MAGED1: variants seen among roughly 807,000 people sequenced by gnomAD.
MAGED1 encodes the protein melanoma-associated antigen D1.
Under a neutral mutation model 54.1 loss-of-function variants are expected in MAGED1, and 3 were observed. The observed-to-expected ratio is 0.06, with a 90% confidence interval of 0.03 to 0.14. The LOEUF is 0.14. MAGED1 is among the 10% of genes least tolerant of loss of function. MAGED1 has a pLI of 1.00. For missense variants in MAGED1, 485 were observed against 623.4 expected, an observed-to-expected ratio of 0.78 and a Z score of 2.36; for synonymous variants, 217 against 227.3, an observed-to-expected ratio of 0.95 and a Z score of 0.41.
At chrX:51,872,899 A>AT (rs2146996459) in intron 1 of MAGED1, among the ~76,000 whole-genome samples, 1 of 111,467 alleles carries the variant, frequency 9.0e-6, no homozygotes, top group South Asian at 3.8e-4. Flanking sequence ...TTTAGCAAAT[A>AT]ATTAAGAATG....
At chrX:51,873,712 A>T (rs1044626057) in intron 1 of MAGED1, among the ~76,000 whole-genome samples, 1 of 111,084 alleles carries the variant, frequency 9.0e-6, no homozygotes, top group Non-Finnish European at 1.9e-5. Flanking sequence ...AATTTTATCA[A>T]TGTCTCAGTC....
intron 1 of MAGED1, chrX:51,857,086 C>T (rs186181882): frequency 9.0e-6 from 1 of 111,070 alleles, no homozygotes; most frequent in African/African-American, 3.3e-5. Flanking sequence ...AAAGAGAAAC[C>T]CTATGAATGC....
intron 1 of MAGED1, among the ~76,000 whole-genome samples, chrX:51,870,037 G>C (rs1557361394): frequency 9.0e-6 from 1 of 110,864 alleles, no homozygotes; most frequent in Non-Finnish European, 1.9e-5. Flanking sequence ...TGCTGGGCTA[G>C]GATCTCCATT....
intron 1 of MAGED1, among the ~76,000 whole-genome samples, chrX:51,814,400 G>A (rs1314830090): frequency 9.0e-6 from 1 of 111,574 alleles, no homozygotes; most frequent in Non-Finnish European, 1.9e-5. Flanking sequence ...CACCCCTGTA[G>A]CATGGAGAAA....
intron 1 of MAGED1, among the ~76,000 whole-genome samples, chrX:51,838,169 A>G (rs1926321631): frequency 8.9e-6 from 1 of 112,501 alleles, no homozygotes; most frequent in Non-Finnish European, 1.9e-5. Context: ...TCAGTGCTGT[A>G]ATACCCTGGC....
At chrX:51,812,177 AAAAT>A (rs782201300) in intron 1 of MAGED1, among the ~76,000 whole-genome samples, 33 of 109,638 alleles carry the variant, frequency 3.0e-4, no homozygotes, top group Middle Eastern at 4.8e-3. Flanking sequence ...TATAATAATA[AAAAT>A]AAATAAATAA....
intron 1 of MAGED1, among the ~76,000 whole-genome samples, chrX:51,841,910 G>T (rs1358140694): frequency 1.8e-5 from 2 of 111,668 alleles, no homozygotes; most frequent in Non-Finnish European, 3.8e-5. Flanking sequence ...GATTGAATTG[G>T]CAATGCGGGC....
intron 1 of MAGED1, among the ~76,000 whole-genome samples, chrX:51,863,538 G>T (rs1203742888): frequency 9.0e-6 from 1 of 111,190 alleles, no homozygotes; most frequent in African/African-American, 3.3e-5. Context: ...TCTTAATTTT[G>T]GGGGGGAACC....
intron 1 of MAGED1, among the ~76,000 whole-genome samples, chrX:51,873,135 C>G (rs1602253120): frequency 9.0e-6 from 1 of 111,102 alleles, no homozygotes; most frequent in Non-Finnish European, 1.9e-5. Context: ...AGGAAACTTA[C>G]AATCTTGGTG....
intron 1 of MAGED1, among the ~76,000 whole-genome samples, chrX:51,846,334 A>G (rs1037346933): frequency 9.0e-6 from 1 of 111,542 alleles, no homozygotes; most frequent in Non-Finnish European, 1.9e-5. Context: ...TTGGAAGCAG[A>G]GATCAGAGAG....
intron 1 of MAGED1, among the ~76,000 whole-genome samples, chrX:51,832,381 C>T (rs1926102883): frequency 9.0e-6 from 1 of 111,207 alleles, no homozygotes; most frequent in Non-Finnish European, 1.9e-5. Context: ...TATAGTCACC[C>T]TATTGTGCTA....
chrX:51,826,273 C>A (rs1925848065), intron 1 of MAGED1, among the ~76,000 whole-genome samples: 1 of 112,060 alleles, frequency 8.9e-6, no homozygotes, highest in African/African-American at 3.2e-5. Context: ...CCAGAATTCC[C>A]ATAAGTTTGG....
At chrX:51,808,545 C>CA (rs1925107900) in intron 1 of MAGED1, among the ~76,000 whole-genome samples, 4 of 111,236 alleles carry the variant, frequency 3.6e-5, no homozygotes, top group African/African-American at 1.3e-4. Context: ...CCCATCTCCA[C>CA]AAAAAATTTA....
intron 1 of MAGED1, among the ~76,000 whole-genome samples, chrX:51,849,173 T>C: frequency 9.0e-6 from 1 of 111,320 alleles, no homozygotes; most frequent in Non-Finnish European, 1.9e-5. Context: ...GGACTATTAA[T>C]TATTCTGTTA....
chrX:51,822,632 C>A (rs1314292011), intron 1 of MAGED1, among the ~76,000 whole-genome samples: 1 of 110,128 alleles, frequency 9.1e-6, no homozygotes, highest in Non-Finnish European at 1.9e-5. Flanking sequence ...TGTTTTAGAT[C>A]TTTCTTGTTT....
chrX:51,836,768 G>T (rs1557357964), intron 1 of MAGED1, among the ~76,000 whole-genome samples: 1 of 109,795 alleles, frequency 9.1e-6, no homozygotes, highest in Non-Finnish European at 1.9e-5. Flanking sequence ...AGAGATGGGG[G>T]TTTCACCATG....
chrX:51,897,741 G>A lies in MAGED1; in HGVS notation c.1567-54G>A, dbSNP rs1356053834. 3.4e-5 allele frequency: 37 copies of A among 1,074,011 alleles called. No individual in the cohort carries two copies. In the East Asian group the frequency reaches 1.1e-3, roughly 32 times the overall value. The allele number at this position is 1,074,011 out of a possible 1,213,427, so 88.5% of individuals were successfully genotyped here. On this transcript the variant is annotated intron_variant, in intron 6 of 12. Transcript: ENST00000326587. ...CTCAGGGAGATGAGTGTCTGCCTAT[G>A]GGTAGCTTATGCTAGATGTTGTAAT... is the stretch of plus-strand genomic sequence containing the variant.
At chrX:51,896,358 G>T in intron 3 of MAGED1, 51 bp from the exon 4 acceptor site, 1 of 1,075,655 alleles carries the variant, frequency 9.3e-7, no homozygotes. Context: ...AATAGATAAG[G>T]TGAGGACACA....
chrX:51,832,520 G>GT (rs782230252), intron 1 of MAGED1, among the ~76,000 whole-genome samples: 18 of 105,228 alleles, frequency 1.7e-4, no homozygotes, highest in African/African-American at 2.7e-4. Context: ...CATGAGTTCA[G>GT]TTTTTTTTTT....
Sources: allele counts gnomAD v4.1 joint callset (sites outside exome capture counted in the v4.1 genomes callset), GRCh38; gene constraint gnomAD v4.1.1; transcripts MANE v1.5; gene names NCBI Gene and HGNC (gene_info 2026-07-23, HGNC 2026-07-21).